Variants in NRAP observed in about 807,000 individuals in gnomAD.
NRAP encodes nebulin related anchoring protein, also known as nebulin-related-anchoring protein.
A neutral mutation model predicts 225.9 loss-of-function variants in NRAP; 189 were observed. The observed-to-expected ratio is 0.84, with a 90% confidence interval of 0.74 to 0.94. NRAP has a LOEUF of 0.94. Among genes scored for constraint, NRAP ranks in the 40% least tolerant of loss-of-function variants. The pLI, the probability that NRAP is intolerant of heterozygous loss-of-function variation, is 0.00. For missense variants in NRAP, 2,176 were observed against 2,168.7 expected (o/e 1.00, Z -0.07); for synonymous variants, 769 against 790.7 (o/e 0.97, Z 0.46).
At chr10:113,610,255 C>A (rs1350668138) in intron 31 of NRAP, among the ~76,000 whole-genome samples, 1 of 150,486 alleles carries the variant, frequency 6.6e-6, no homozygotes, top group Non-Finnish European at 1.5e-5. Context: ...GAGGCTGAGG[C>A]AGGAGAATCG....
intron 36 of NRAP, 116 bp downstream of exon 36, chr10:113,597,853 T>C: frequency 1.3e-6 from 1 of 764,506 alleles, no homozygotes; most frequent in Non-Finnish European, 2.4e-6. Context: ...CCAAAAATAC[T>C]GGGAGTCCAG....
At chr10:113,622,328 C>T (rs1177054555) in intron 23 of NRAP, 148 bp from the exon 24 acceptor site, 16 of 605,928 alleles carry the variant, frequency 2.6e-5, no homozygotes, top group Non-Finnish European at 4.1e-5. Flanking sequence ...TTTTGAGCAT[C>T]CGATACATTT....
At chr10:113,647,602 A>C in intron 9 of NRAP, among the ~76,000 whole-genome samples, 1 of 135,966 alleles carries the variant, frequency 7.4e-6, no homozygotes, top group Non-Finnish European at 1.6e-5. Flanking sequence ...CCCTAGTGGT[A>C]CTGTCTCCCC....
At chr10:113,645,310 ATGTAAT>A (rs1849435763) in intron 11 of NRAP, among the ~76,000 whole-genome samples, 2 of 152,230 alleles carry the variant, frequency 1.3e-5, no homozygotes. Flanking sequence ...CCAGAGAAAG[ATGTAAT>A]TGGTTTGATT....
intron 3 of NRAP, among the ~76,000 whole-genome samples, chr10:113,659,339 C>T (rs181654783): frequency 7.9e-5 from 12 of 152,266 alleles, no homozygotes; most frequent in Admixed American, 3.3e-4. Context: ...ACACCAGTCA[C>T]GACAATCAAT....
intron 31 of NRAP, among the ~76,000 whole-genome samples, chr10:113,609,400 C>G (rs1466466678): frequency 6.6e-6 from 1 of 152,126 alleles, no homozygotes; most frequent in Admixed American, 6.5e-5. Context: ...AAAACATAAG[C>G]TTATCTGAGC....
chr10:113,636,293 C>T (rs1430339459), intron 14 of NRAP, among the ~76,000 whole-genome samples: 2 of 152,186 alleles, frequency 1.3e-5, no homozygotes, highest in Non-Finnish European at 2.9e-5. Context: ...TCCCCAAGGG[C>T]CCACACCTTG....
At chr10:113,647,469 AAG>A (rs1849592781) in intron 9 of NRAP, among the ~76,000 whole-genome samples, 1 of 48,922 alleles carries the variant, frequency 2.0e-5, no homozygotes, top group East Asian at 8.2e-4. Context: ...CTGCCTCCCC[AAG>A]TGGTACTGTC....
chr10:113,641,597 A>C (rs557975880), intron 12 of NRAP, 125 bp from the exon 13 acceptor site: 1 of 613,358 alleles, frequency 1.6e-6, no homozygotes, highest in Non-Finnish European at 2.8e-6. Context: ...TAAATAGTCA[A>C]CGTATCACAG....
At chr10:113,636,042 C>T (rs980839711) in intron 14 of NRAP, among the ~76,000 whole-genome samples, 3 of 152,182 alleles carry the variant, frequency 2.0e-5, no homozygotes, top group Admixed American at 6.5e-5. Flanking sequence ...GCTGAGCTCC[C>T]CCGGCTTGGC....
intron 39 of NRAP, 62 bp from the exon 40 acceptor site, chr10:113,590,951 A>C: frequency 1.4e-6 from 2 of 1,441,166 alleles, no homozygotes; most frequent in Non-Finnish European, 1.9e-6. Flanking sequence ...CCAGCCTCAC[A>C]TATGGGGCCA....
Position 113,589,029 on chromosome 10 carries a change from G to T in NRAP, c.5139C>A (p.Asn1713Lys). ...EAGDHQSGEV[N>K]PDATEILHVK... ...CGTGCAGAATCTCAGTGGCATCTGG[G>T]TTCACCTCCCCACTCTGATGATCTC... Residue 1713 changes from asparagine to lysine, a missense_variant, in exon 42 of 42, where the codon AAC (asparagine) becomes AAA (lysine). Around this residue, in one of 3 missense-constraint regions of NRAP, gnomAD observed 445 missense variants for 426.1 expected, o/e 1.04. Coordinates refer to ENST00000359988, the MANE Select transcript of NRAP (RefSeq NM_198060.4). The T allele has an allele frequency of 6.2e-7, 1 of 1,613,956 alleles. No homozygotes were observed. The highest frequency in any genetic ancestry group is 8.5e-7 in the Non-Finnish European group (1 of 1,179,978).
Position 113,625,000 on chromosome 10 carries a change from G to A in NRAP, c.2245-70C>T, listed in dbSNP as rs80183794. 2.5e-3 allele frequency: 2,269 copies of A among 902,664 alleles called. 37 individuals are homozygous for A. In the African/African-American group the frequency reaches 0.033, roughly 13 times the overall value. 55.9% of individuals were successfully genotyped at this position (902,664 alleles called of 1,614,324 possible). A position where few individuals can be genotyped will look rare whatever the true frequency, so the allele number is the denominator to read the frequency against. On this transcript the variant is annotated intron_variant, in intron 21 of 41. Coordinates refer to ENST00000359988, the MANE Select transcript of NRAP (RefSeq NM_198060.4). ...GGTGGGCAGGGTGGCATCCCTCATG[G>A]TGTCTCTGTCTGGTTGGCACTTCTC...
chr10:113,588,722 AACC>A lies in NRAP; in HGVS notation c.*250_*252del. The A allele has an allele frequency of 1.8e-6, 1 of 551,282 alleles. No individual in the cohort carries two copies. The highest frequency in any genetic ancestry group is 3.2e-6 in the Non-Finnish European group (1 of 313,358). The allele number at this position is 551,282 out of a possible 1,614,324, so 34.1% of individuals were successfully genotyped here. On this transcript the variant is annotated 3_prime_UTR_variant, in exon 42 of 42. Transcript: ENST00000359988. ...CTCCAGAATCCCCAGCATCAGCGGGAACCACCATCACATCTTTATTCCTCAGCC... is the reference window on the plus strand; with the variant it reads ...CTCCAGAATCCCCAGCATCAGCGGGAACCATCACATCTTTATTCCTCAGCC...
At chr10:113,637,917 T>C (rs3127102) in intron 14 of NRAP, among the ~76,000 whole-genome samples, 132,319 of 151,162 alleles carry the variant, frequency 0.88, 57,976 homozygotes, top group East Asian at 0.91. Context: ...AGTGAAACTC[T>C]GTCTCAAAAA....
chr10:113,653,119 A>C, intron 5 of NRAP, 80 bp from the exon 6 acceptor site: 3 of 741,124 alleles, frequency 4.0e-6, no homozygotes, highest in South Asian at 1.8e-5. Context: ...AAAACCAATG[A>C]AACTAGATTC....
At chr10:113,637,663 C>T (rs1474802952) in intron 14 of NRAP, among the ~76,000 whole-genome samples, 2 of 152,192 alleles carry the variant, frequency 1.3e-5, no homozygotes, top group Admixed American at 6.5e-5. Flanking sequence ...GTGGCTCACG[C>T]CTGTAATCCC....
intron 27 of NRAP, among the ~76,000 whole-genome samples, 163 bp downstream of exon 27, chr10:113,615,549 G>A (rs1305890231): frequency 6.6e-6 from 1 of 152,186 alleles, no homozygotes; most frequent in African/African-American, 2.4e-5. Flanking sequence ...TAGTGCAGAT[G>A]AAAATGTGGG....
intron 13 of NRAP, 31 bp from the exon 14 acceptor site, chr10:113,640,362 G>A (rs759529585): frequency 2.5e-5 from 32 of 1,255,394 alleles, no homozygotes; most frequent in Non-Finnish European, 3.4e-5. Context: ...GAAGAATGGA[G>A]AAATCAATTT....
Sources: allele counts gnomAD v4.1 joint callset (sites outside exome capture counted in the v4.1 genomes callset), GRCh38; gene constraint gnomAD v4.1.1; regional missense constraint gnomAD v4.1.1; transcripts MANE v1.5; gene names NCBI Gene and HGNC (gene_info 2026-07-23, HGNC 2026-07-21).